Variants in POP1 observed in about 807,000 individuals in gnomAD.
POP1 encodes the protein POP1 ribonuclease P/MRP subunit.
Under a neutral mutation model 102.2 loss-of-function variants are expected in POP1, and 75 were observed. That is an observed-to-expected ratio of 0.73 (90% confidence interval 0.61 to 0.89). The LOEUF is 0.89. POP1 is among the 40% of genes least tolerant of loss of function. The probability of loss-of-function intolerance (pLI) is 0.00; values close to 1 mark genes in which losing one functional copy is unlikely to be tolerated. For missense variants in POP1, 1,116 were observed against 1,267.4 expected (o/e 0.88, Z 1.81); for synonymous variants, 436 against 464.1 (o/e 0.94, Z 0.78).
chr8:98,150,905 T>C (rs1809498039), intron 14 of POP1, among the ~76,000 whole-genome samples: 1 of 152,236 alleles, frequency 6.6e-6, no homozygotes, highest in South Asian at 2.1e-4. Context: ...AACTTGGACA[T>C]GAGTCTCAGA....
At chr8:98,125,179 G>GTTTTTT (rs748014497) in intron 2 of POP1, among the ~76,000 whole-genome samples, 24 of 102,256 alleles carry the variant, frequency 2.3e-4, no homozygotes, top group East Asian at 1.1e-3. Context: ...TTTACAGACA[G>GTTTTTT]TTTTTTTTTT....
intron 11 of POP1, among the ~76,000 whole-genome samples, chr8:98,146,130 T>C (rs2130619815): frequency 6.6e-6 from 1 of 152,206 alleles, no homozygotes; most frequent in East Asian, 1.9e-4. Context: ...GGGGTCTTGC[T>C]ATGTTGCCCA....
chr8:98,138,447 T>C (rs1586239766), intron 9 of POP1, among the ~76,000 whole-genome samples: 1 of 152,182 alleles, frequency 6.6e-6, no homozygotes, highest in East Asian at 1.9e-4. Context: ...CACTCTTTAC[T>C]TTGCTGAACC....
intron 6 of POP1, 33 bp from the exon 7 acceptor site, chr8:98,134,439 G>A (rs772981384): frequency 3.2e-5 from 51 of 1,610,850 alleles, no homozygotes; most frequent in Non-Finnish European, 4.1e-5. Context: ...CTCAACACCC[G>A]GAATTATGGA....
intron 14 of POP1, among the ~76,000 whole-genome samples, chr8:98,153,135 A>G (rs527937440): frequency 1.3e-5 from 2 of 152,058 alleles, no homozygotes; most frequent in Non-Finnish European, 2.9e-5. Context: ...ACTCCTGGCT[A>G]ATTTTTAAAT....
chr8:98,131,391 A>G (rs1386218450), intron 5 of POP1, among the ~76,000 whole-genome samples: 2 of 152,226 alleles, frequency 1.3e-5, no homozygotes, highest in African/African-American at 2.4e-5. Flanking sequence ...ATTTAGCATA[A>G]TGTCTTAAAA....
In POP1 at chr8:98,140,082, G is replaced by A. The variant is rs1563778669; in HGVS notation, c.1367G>A (p.Gly456Glu). 1.2e-5 allele frequency: 20 copies of A among 1,613,126 alleles called. No homozygotes were observed. Among genetic ancestry groups the A allele is most frequent in the Non-Finnish European group, 1.6e-5 (19 of 1,179,178 alleles). Reference protein sequence around the residue: ...AIKAASVHTVGEDTEETPHRW... With the variant: ...AIKAASVHTVEEDTEETPHRW... ...ATAGTAGTTGTTATTTTTCAGGTGG[G>A]AGAGGACACAGAGGAGACACCTCAC... Residue 456 changes from glycine (G) to glutamate (E), a missense_variant, in exon 10 of 16, where the codon GGA becomes GAA. Transcript: ENST00000401707.
chr8:98,154,558 G>T (rs766552292), intron 14 of POP1, among the ~76,000 whole-genome samples: 1 of 152,176 alleles, frequency 6.6e-6, no homozygotes, highest in Non-Finnish European at 1.5e-5. Context: ...GGTGCTTGAG[G>T]TGGGGTGAAG....
chr8:98,148,833 A>T lies in POP1; in HGVS notation c.1729A>T (p.Ser577Cys), dbSNP rs562822658. ...ACTTTAGGATTTAAACCGGATGAGGAGTGAATTGCTGGTGCCTGGGTCACA... is the reference window on the plus strand; with the variant it reads ...ACTTTAGGATTTAAACCGGATGAGGTGTGAATTGCTGGTGCCTGGGTCACA... ...ISDQDLNRMR[S>C]ELLVPGSQLI... Residue 577 changes from serine (S) to cysteine (C), a missense_variant, in exon 13 of 16, where the codon AGT becomes TGT. Coordinates refer to ENST00000401707, the MANE Select transcript of POP1 (RefSeq NM_001145860.2). 1.8e-5 allele frequency: 29 copies of T among 1,613,168 alleles called. No individual in the cohort carries two copies. Among genetic ancestry groups the T allele is most frequent in the Non-Finnish European group, 2.4e-5 (28 of 1,179,606 alleles).
intron 13 of POP1, among the ~76,000 whole-genome samples, chr8:98,150,043 T>C (rs901879117): frequency 2.6e-5 from 4 of 152,194 alleles, no homozygotes; most frequent in African/African-American, 4.8e-5. Context: ...TTAAGAAATA[T>C]AACATTACAG....
chr8:98,129,221 T>C (rs1479022952), intron 4 of POP1, among the ~76,000 whole-genome samples: 1 of 152,208 alleles, frequency 6.6e-6, no homozygotes, highest in Non-Finnish European at 1.5e-5. Flanking sequence ...GCAATGTCAA[T>C]GCTTAGCATT....
intron 11 of POP1, among the ~76,000 whole-genome samples, chr8:98,141,945 G>A (rs543629185): frequency 4.6e-5 from 7 of 152,080 alleles, no homozygotes; most frequent in African/African-American, 1.4e-4. Flanking sequence ...CACATAAAAG[G>A]TGGATTGGAT....
chr8:98,152,104 T>A (rs1389087623), intron 14 of POP1, among the ~76,000 whole-genome samples: 1 of 152,196 alleles, frequency 6.6e-6, no homozygotes, highest in Non-Finnish European at 1.5e-5. Flanking sequence ...CCTGGATTGC[T>A]ACCTTACCAG....
chr8:98,129,584 G>A (rs969746566), intron 4 of POP1, among the ~76,000 whole-genome samples: 3 of 152,126 alleles, frequency 2.0e-5, no homozygotes, highest in African/African-American at 7.2e-5. Flanking sequence ...TAAGTTTTTG[G>A]TTTTAGTTAC....
Position 98,121,445 on chromosome 8 carries a change from C to T in POP1, c.-2-1891C>T, listed in dbSNP as rs535176682. On this transcript the variant is annotated intron_variant, in intron 1 of 15. Coordinates refer to ENST00000401707, the MANE Select transcript of POP1 (RefSeq NM_001145860.2). ...GCAGGGACCAGGGATATTAGACAGC[C>T]TGCTATGTGCAGAAAAGCCCCACAG... Among the ~76,000 whole-genome samples the T allele has an allele frequency of 4.0e-5, 6 of 150,948 alleles. No individual in the cohort carries two copies. The East Asian group carries it at 9.7e-4, about 25-fold the overall frequency.
At chr8:98,141,471 A>G (rs1195348018) in intron 11 of POP1, among the ~76,000 whole-genome samples, 1 of 152,180 alleles carries the variant, frequency 6.6e-6, no homozygotes, top group East Asian at 1.9e-4. Flanking sequence ...ATTTACTGTC[A>G]TTTAAACATG....
intron 2 of POP1, among the ~76,000 whole-genome samples, chr8:98,126,235 CAT>C (rs779705038): frequency 6.6e-6 from 1 of 152,094 alleles, no homozygotes; most frequent in Non-Finnish European, 1.5e-5. Context: ...TGTACACAAT[CAT>C]GTGGATTATA....
At chr8:98,138,786 G>A (rs934024729) in intron 9 of POP1, among the ~76,000 whole-genome samples, 2 of 151,046 alleles carry the variant, frequency 1.3e-5, no homozygotes, top group African/African-American at 4.9e-5. Context: ...AGCCTGTACT[G>A]TAAACCACTA....
intron 2 of POP1, among the ~76,000 whole-genome samples, chr8:98,126,793 A>G (rs981567249): frequency 2.0e-5 from 3 of 152,184 alleles, no homozygotes; most frequent in Non-Finnish European, 4.4e-5. Context: ...CAGGCTGTGT[A>G]TGATAAGGCG....
Sources: gnomAD v4.1 joint callset for allele counts (sites outside exome capture counted in the v4.1 genomes callset) on GRCh38, gnomAD v4.1.1 for gene constraint, MANE v1.5 for transcripts, NCBI Gene and HGNC (gene_info 2026-07-23, HGNC 2026-07-21) for gene names.